The following GPC6 variants were observed in gnomAD, a reference collection of about 807,000 sequenced individuals.
GPC6 encodes glypican-6.
A neutral mutation model predicts 55.2 loss-of-function variants in GPC6; 14 were observed. The ratio of observed to expected loss-of-function variants is 0.25; its 90% confidence interval spans 0.17 to 0.40. The LOEUF (loss-of-function observed/expected upper bound fraction) is 0.40, where lower values mean the gene tolerates loss of function less well. GPC6 is among the 10% of genes least tolerant of loss of function. The probability of loss-of-function intolerance (pLI) is 1.00; values close to 1 mark genes in which losing one functional copy is unlikely to be tolerated. For synonymous variants in GPC6, 278 were observed against 259.6 expected, an observed-to-expected ratio of 1.07 and a Z score of -0.68; for missense variants, 641 against 708.5, an observed-to-expected ratio of 0.90 and a Z score of 1.08.
chr13:93,949,403 G>A (rs1879152297), intron 3 of GPC6, among the ~76,000 whole-genome samples: 1 of 152,126 alleles, frequency 6.6e-6, no homozygotes, highest in Admixed American at 6.6e-5. Flanking sequence ...TTTAATTATG[G>A]TTGATAGTCC....
intron 1 of GPC6, among the ~76,000 whole-genome samples, chr13:93,444,935 T>C (rs1305086395): frequency 6.6e-6 from 1 of 152,248 alleles, no homozygotes; most frequent in African/African-American, 2.4e-5. Context: ...TCACTGAGTA[T>C]GGAACTTAGC....
At chr13:94,159,824 A>C (rs1318422078) in intron 4 of GPC6, among the ~76,000 whole-genome samples, 1 of 152,190 alleles carries the variant, frequency 6.6e-6, no homozygotes, top group African/African-American at 2.4e-5. Flanking sequence ...CCTGTGAGAA[A>C]TCTTCTCAAG....
At chr13:93,438,538 G>A (rs939106534) in intron 1 of GPC6, among the ~76,000 whole-genome samples, 14 of 152,080 alleles carry the variant, frequency 9.2e-5, no homozygotes, top group Non-Finnish European at 7.4e-5. Flanking sequence ...CATACGTGGT[G>A]GAAATAGCAA....
rs374337055 is a variant in GPC6 at position 93,308,100 on chromosome 13, T to C, written c.160+80484T>C. On this transcript the variant is annotated intron_variant, in intron 1 of 8. Coordinates refer to ENST00000377047, the MANE Select transcript of GPC6 (RefSeq NM_005708.5). ...GAGATCGAGACCATCCTGGCTAACA[T>C]GGTGAAACCCCGTCTCTACTAAAAA... 2.4e-3 allele frequency among the ~76,000 whole-genome samples: 367 copies of C among 152,078 alleles called. 1 individual carries two copies. The highest frequency in any genetic ancestry group is 0.01 in the Middle Eastern group (3 of 294).
At chr13:93,513,977 G>A (rs1027087483) in intron 1 of GPC6, among the ~76,000 whole-genome samples, 42 of 147,148 alleles carry the variant, frequency 2.9e-4, no homozygotes, top group African/African-American at 9.8e-4. Context: ...AGGTTGAAGC[G>A]ATTGTCCTGC....
chr13:93,270,720 C>CAAA (rs35973627), intron 1 of GPC6, among the ~76,000 whole-genome samples: 15 of 127,978 alleles, frequency 1.2e-4, no homozygotes, highest in South Asian at 2.6e-4. Flanking sequence ...TTATTTTCCT[C>CAAA]AAAAAAAAAA....
chr13:93,870,967 T>C (rs1889114469), intron 3 of GPC6, among the ~76,000 whole-genome samples: 1 of 151,906 alleles, frequency 6.6e-6, no homozygotes, highest in African/African-American at 2.4e-5. Flanking sequence ...AAATCTTTAT[T>C]TCAGCTATTC....
chr13:93,570,852 A>G (rs1187275160), intron 2 of GPC6, among the ~76,000 whole-genome samples: 1 of 152,132 alleles, frequency 6.6e-6, no homozygotes, highest in African/African-American at 2.4e-5. Flanking sequence ...CAAAAATCCA[A>G]TCTCTAATAC....
intron 1 of GPC6, among the ~76,000 whole-genome samples, chr13:93,465,583 G>A (rs146349499): frequency 6.6e-6 from 1 of 152,276 alleles, no homozygotes; most frequent in African/African-American, 2.4e-5. Flanking sequence ...GGGAGTTAGG[G>A]CCTAATCTAG....
At chr13:93,551,308 C>CAA (rs11292944) in intron 2 of GPC6, among the ~76,000 whole-genome samples, 1 of 147,522 alleles carries the variant, frequency 6.8e-6, no homozygotes, top group Non-Finnish European at 1.5e-5. Context: ...TGTTTTCTAA[C>CAA]AAAAAAAAAA....
chr13:93,713,178 TAA>T (rs1286062588), intron 2 of GPC6, among the ~76,000 whole-genome samples: 1 of 151,574 alleles, frequency 6.6e-6, no homozygotes, highest in African/African-American at 2.4e-5. Flanking sequence ...GATTCAATAT[TAA>T]GATTAAAAAT....
chr13:94,083,107 G>T (rs968869622), intron 4 of GPC6, among the ~76,000 whole-genome samples: 1 of 151,968 alleles, frequency 6.6e-6, no homozygotes, highest in Non-Finnish European at 1.5e-5. Context: ...CCTGCTCAAG[G>T]TTTTTTTGTT....
chr13:94,197,760 T>TA (rs1457867501), intron 4 of GPC6, among the ~76,000 whole-genome samples: 1 of 152,220 alleles, frequency 6.6e-6, no homozygotes, highest in African/African-American at 2.4e-5. Flanking sequence ...TTTGGCAACT[T>TA]ACTATTATGC....
At chr13:94,207,156 C>T (rs528504072) in intron 4 of GPC6, among the ~76,000 whole-genome samples, 1 of 152,096 alleles carries the variant, frequency 6.6e-6, no homozygotes, top group Non-Finnish European at 1.5e-5. Context: ...CCTTGTCTTT[C>T]CTGCCTCCCT....
chr13:94,191,221 T>C (rs984045721), intron 4 of GPC6, among the ~76,000 whole-genome samples: 1 of 152,206 alleles, frequency 6.6e-6, no homozygotes, highest in Non-Finnish European at 1.5e-5. Context: ...ACTGACAGAC[T>C]TGAACATTTC....
At position 94,338,846 on chromosome 13, in the gene GPC6, T is replaced by C. The variant is rs568553864; in HGVS notation, c.1152+32723T>C. Among the ~76,000 whole-genome samples, 7 of 152,234 alleles carry C rather than the reference T, an allele frequency of 4.6e-5. No individual in the cohort carries two copies. The South Asian group carries it at 1.5e-3, about 32-fold the overall frequency. ...TGAGGCTGAATTAGGGACTGAGTCA[T>C]GGTGGGAGATGGCTGATGTTTTGGA... On this transcript the variant is annotated intron_variant, in intron 6 of 8. Coordinates refer to ENST00000377047, the MANE Select transcript of GPC6 (RefSeq NM_005708.5).
chr13:94,032,304 A>G (rs1436344619), intron 4 of GPC6, among the ~76,000 whole-genome samples: 1 of 152,230 alleles, frequency 6.6e-6, no homozygotes, highest in African/African-American at 2.4e-5. Flanking sequence ...TTAGGATAAC[A>G]GAAGCATGGG....
intron 1 of GPC6, among the ~76,000 whole-genome samples, chr13:93,430,270 G>A (rs1305574610): frequency 6.6e-6 from 1 of 152,094 alleles, no homozygotes; most frequent in African/African-American, 2.4e-5. Flanking sequence ...GCAAAAAGCA[G>A]AATGTGAAAT....
At chr13:93,654,628 A>G (rs563813532) in intron 2 of GPC6, among the ~76,000 whole-genome samples, 3 of 152,228 alleles carry the variant, frequency 2.0e-5, no homozygotes, top group African/African-American at 7.2e-5. Flanking sequence ...AATTATTTTT[A>G]TAGAAATAGA....
Sources: allele counts gnomAD v4.1 joint callset (sites outside exome capture counted in the v4.1 genomes callset), GRCh38; gene constraint gnomAD v4.1.1; transcripts MANE v1.5; gene names NCBI Gene and HGNC (gene_info 2026-07-23, HGNC 2026-07-21).